Variants in NRXN3 observed in about 807,000 individuals in gnomAD.
The protein encoded by NRXN3 is neurexin III.
A neutral mutation model predicts 137.6 loss-of-function variants in NRXN3; 32 were observed. That is an observed-to-expected ratio of 0.23 (90% CI 0.18 to 0.31). NRXN3 has a LOEUF of 0.31. Ranked by LOEUF, NRXN3 falls within the 10% of genes least tolerant of loss-of-function variation. The probability of loss-of-function intolerance (pLI) is 1.00; values close to 1 mark genes in which losing one functional copy is unlikely to be tolerated. For synonymous variants in NRXN3, 798 were observed against 784.5 expected (o/e 1.02, Z -0.29); for missense variants, 1,574 against 2,062.5 (o/e 0.76, Z 4.59).
chr14:78,919,831 CT>C (rs2099266234), intron 10 of NRXN3, among the ~76,000 whole-genome samples: 1 of 152,004 alleles, frequency 6.6e-6, no homozygotes, highest in South Asian at 2.1e-4. Context: ...TTATTTGAAG[CT>C]TTCAAAATTA....
chr14:79,413,305 G>A (rs915765365), intron 15 of NRXN3, among the ~76,000 whole-genome samples: 4 of 152,158 alleles, frequency 2.6e-5, no homozygotes, highest in African/African-American at 9.7e-5. Context: ...TTAAGCCAGT[G>A]TTGGAGGCTG....
chr14:78,466,097 C>T (rs920233523), intron 4 of NRXN3, among the ~76,000 whole-genome samples: 2 of 152,076 alleles, frequency 1.3e-5, no homozygotes, highest in African/African-American at 4.8e-5. Flanking sequence ...TCGTGATCTG[C>T]CCACCTCAGC....
intron 15 of NRXN3, among the ~76,000 whole-genome samples, chr14:79,297,820 A>G (rs372537441): frequency 6.6e-6 from 1 of 152,104 alleles, no homozygotes; most frequent in East Asian, 1.9e-4. Flanking sequence ...ATTTCAAATT[A>G]TTAGTGATCA....
At chr14:78,254,933 C>G (rs146027512) in intron 2 of NRXN3, among the ~76,000 whole-genome samples, 304 of 152,148 alleles carry the variant, frequency 2.0e-3, no homozygotes, top group African/African-American at 7.0e-3. Flanking sequence ...AGCACATTCC[C>G]TGTGCGAAAA....
At chr14:78,671,785 A>G (rs771913822) in intron 6 of NRXN3, among the ~76,000 whole-genome samples, 2 of 152,218 alleles carry the variant, frequency 1.3e-5, no homozygotes, top group Non-Finnish European at 2.9e-5. Context: ...AATACATTGA[A>G]AAGTCACAGT....
chr14:79,221,338 A>G (rs944795225), intron 15 of NRXN3, among the ~76,000 whole-genome samples: 2 of 152,118 alleles, frequency 1.3e-5, no homozygotes, highest in East Asian at 3.9e-4. Context: ...CACTGTTTTC[A>G]ACAATGGTTG....
chr14:79,632,567 T>A (rs2098365293), intron 16 of NRXN3, among the ~76,000 whole-genome samples: 1 of 152,206 alleles, frequency 6.6e-6, no homozygotes, highest in Non-Finnish European at 1.5e-5. Flanking sequence ...CTGAGAGCAA[T>A]CATTGACAGT....
intron 15 of NRXN3, among the ~76,000 whole-genome samples, chr14:79,148,381 G>A (rs1282478227): frequency 6.6e-6 from 1 of 152,162 alleles, no homozygotes; most frequent in Non-Finnish European, 1.5e-5. Context: ...AACTTAGCTT[G>A]CTGATAAATC....
intron 19 of NRXN3, among the ~76,000 whole-genome samples, chr14:79,719,897 A>G (rs180865166): frequency 6.6e-6 from 1 of 152,250 alleles, no homozygotes; most frequent in Admixed American, 6.5e-5. Flanking sequence ...ATGTATTTCA[A>G]ATGCTTAGAA....
chr14:79,636,740 C>T (rs1428354510), intron 16 of NRXN3, among the ~76,000 whole-genome samples: 3 of 152,148 alleles, frequency 2.0e-5, no homozygotes, highest in Non-Finnish European at 4.4e-5. Context: ...TCCACACCGT[C>T]CTCTGCCCAT....
At chr14:78,586,422 T>A (rs1174454378) in intron 4 of NRXN3, among the ~76,000 whole-genome samples, 1 of 152,190 alleles carries the variant, frequency 6.6e-6, no homozygotes, top group Admixed American at 6.5e-5. Flanking sequence ...GCTGGGCAAG[T>A]TACTTCCCCA....
intron 15 of NRXN3, among the ~76,000 whole-genome samples, chr14:79,433,223 C>G (rs569089233): frequency 4.6e-5 from 7 of 152,098 alleles, no homozygotes; most frequent in Non-Finnish European, 1.0e-4. Context: ...CAATTTACCT[C>G]TTAGGAGGAA....
At chr14:79,208,745 T>C (rs76703282) in intron 15 of NRXN3, among the ~76,000 whole-genome samples, 4,684 of 152,252 alleles carry the variant, frequency 0.031, 214 homozygotes, top group East Asian at 0.17. Flanking sequence ...AATGTTTTAT[T>C]AATCATATCT....
intron 16 of NRXN3, among the ~76,000 whole-genome samples, chr14:79,530,748 A>G (rs1445697895): frequency 1.3e-5 from 2 of 152,142 alleles, no homozygotes; most frequent in African/African-American, 4.8e-5. Flanking sequence ...TCTTGTACAG[A>G]GTCAGCAGTT....
At chr14:79,371,397 C>T (rs1265099043) in intron 15 of NRXN3, among the ~76,000 whole-genome samples, 1 of 152,008 alleles carries the variant, frequency 6.6e-6, no homozygotes, top group African/African-American at 2.4e-5. Context: ...TAGATACTTG[C>T]ATATAATATT....
chr14:79,028,996 A>C (rs2099602988), intron 15 of NRXN3, among the ~76,000 whole-genome samples: 1 of 152,032 alleles, frequency 6.6e-6, no homozygotes, highest in Admixed American at 6.6e-5. Context: ...TCTAGGGGAA[A>C]ATGTCATAGG....
chr14:78,809,683 A>T (rs1239648612), intron 9 of NRXN3, among the ~76,000 whole-genome samples: 1 of 152,182 alleles, frequency 6.6e-6, no homozygotes, highest in Non-Finnish European at 1.5e-5. Context: ...AAGTGTGCCT[A>T]TGCAAATTTC....
chr14:78,714,875 C>T lies in NRXN3; in HGVS notation c.1780C>T (p.Leu594Phe). 6.2e-7 allele frequency: 1 copy of T among 1,614,176 alleles called. No individual in the cohort carries two copies. Among genetic ancestry groups the T allele is most frequent in the East Asian group, 2.2e-5 (1 of 44,860 alleles). ...GCCGGAGAACCGTGCTGGCCTTATT[C>T]TCCCCACCGAGCTGTGGACTGCCAT... is the stretch of plus-strand genomic sequence containing the variant. ...GLPENRAGLI[L>F]PTELWTAMLN... Residue 594 changes from leucine (L) to phenylalanine (F), a missense_variant, in exon 8 of 21, where the codon CTC (leucine) becomes TTC (phenylalanine). This residue lies in a region of NRXN3 where 718 missense variants were observed against 887.6 expected (regional missense o/e 0.81). Coordinates refer to ENST00000335750, the MANE Select transcript of NRXN3 (RefSeq NM_001330195.2).
At chr14:78,212,713 T>C (rs1426972924) in intron 1 of NRXN3, among the ~76,000 whole-genome samples, 1 of 152,254 alleles carries the variant, frequency 6.6e-6, no homozygotes, top group Non-Finnish European at 1.5e-5. Context: ...TTTAAGAAGA[T>C]ACACTGTGCT....
Sources: allele counts gnomAD v4.1 joint callset (sites outside exome capture counted in the v4.1 genomes callset), GRCh38; gene constraint gnomAD v4.1.1; regional missense constraint gnomAD v4.1.1; transcripts MANE v1.5; gene names NCBI Gene and HGNC (gene_info 2026-07-23, HGNC 2026-07-21).